SDHA: variants seen among roughly 807,000 people sequenced by gnomAD.
SDHA encodes the protein succinate dehydrogenase [ubiquinone] flavoprotein subunit, mitochondrial.
A neutral mutation model predicts 78.4 loss-of-function variants in SDHA; 48 were observed. The ratio of observed to expected loss-of-function variants is 0.61; its 90% confidence interval spans 0.49 to 0.78. The LOEUF is 0.78. Among genes scored for constraint, SDHA ranks in the 30% least tolerant of loss-of-function variants. The pLI, the probability that SDHA is intolerant of heterozygous loss-of-function variation, is 0.00. For missense variants in SDHA, 680 were observed against 892.7 expected (o/e 0.76, Z 3.04); for synonymous variants, 326 against 353.9 (o/e 0.92, Z 0.88).
chr5:241,346 G>A (rs10050916), intron 11 of SDHA, among the ~76,000 whole-genome samples: 36,297 of 151,724 alleles, frequency 0.24, 6,723 homozygotes, highest in African/African-American at 0.52. Context: ...TCTCAGGCCC[G>A]GATATCGATC....
chr5:268,203 A>T, the SDHA span, among the ~76,000 whole-genome samples: 107 of 142,206 alleles, frequency 7.5e-4, no homozygotes, highest in Non-Finnish European at 1.3e-3. Flanking sequence ...TTTTTTTTTG[A>T]GACGGAGTCT....
At chr5:258,677 A>C (rs1160250516), downstream of SDHA, among the ~76,000 whole-genome samples, 5 of 103,314 alleles carry the variant, frequency 4.8e-5, no homozygotes, top group African/African-American at 1.9e-4. Flanking sequence ...GCCTCCTGTC[A>C]CAGCATTACC....
chr5:235,473 T>C, intron 9 of SDHA, 134 bp downstream of exon 9: 1 of 907,058 alleles, frequency 1.1e-6, no homozygotes, highest in East Asian at 2.6e-5. Flanking sequence ...GTTTTCTAGA[T>C]TGCACTTTAA....
chr5:236,190 A>G, intron 9 of SDHA: 1 of 531,094 alleles, frequency 1.9e-6, no homozygotes, highest in Non-Finnish European at 3.4e-6. Context: ...ATGCCCCGCT[A>G]ATTTTTGTAT....
chr5:245,535 C>G (rs886221222), intron 11 of SDHA, among the ~76,000 whole-genome samples: 1 of 152,188 alleles, frequency 6.6e-6, no homozygotes. Flanking sequence ...CACAGTGTTA[C>G]ATTATTCATT....
intron 7 of SDHA, among the ~76,000 whole-genome samples, chr5:231,381 G>A (rs1735386230): frequency 6.6e-6 from 1 of 151,902 alleles, no homozygotes; most frequent in Non-Finnish European, 1.5e-5. Context: ...CCAACATGGT[G>A]ACACCTCGTC....
the SDHA span, among the ~76,000 whole-genome samples, chr5:267,713 T>C: frequency 6.6e-6 from 1 of 152,240 alleles, no homozygotes. Context: ...TGAACCTTAA[T>C]GCAGGGAGGA....
rs867651708 is a variant in SDHA, at chr5:256,687, C to A, written c.*267C>A. On this transcript the variant is annotated 3_prime_UTR_variant, in exon 15 of 15. Transcript: ENST00000264932. ...AATAAAATATAAATGAACAAACTTTCTTTTATTTCCAAATCCATTTGAAAT... is the reference window on the plus strand; with the variant it reads ...AATAAAATATAAATGAACAAACTTTATTTTATTTCCAAATCCATTTGAAAT... 1.3e-5 allele frequency: 6 copies of A among 453,218 alleles called. No individual in the cohort carries two copies. Among genetic ancestry groups the A allele is most frequent in the Middle Eastern group, 5.7e-4 (1 of 1,768 alleles). 28.1% of individuals were successfully genotyped at this position (453,218 alleles called of 1,614,324 possible).
downstream of SDHA, among the ~76,000 whole-genome samples, chr5:258,890 C>CCCCGCCAGAGCA (rs1737380753): frequency 2.1e-5 from 1 of 48,688 alleles, no homozygotes; most frequent in Non-Finnish European, 4.2e-5. Flanking sequence ...GAGCTCCGCC[C>CCCCGCCAGAGCA]TCCGCCAGAG....
the SDHA span, among the ~76,000 whole-genome samples, chr5:264,718 G>A: frequency 9.8e-4 from 150 of 152,324 alleles, no homozygotes; most frequent in Non-Finnish European, 5.9e-4. Flanking sequence ...ATTACTTCGT[G>A]TGTCATCAGA....
Position 218,418 on chromosome 5 carries a change from G to T in SDHA, c.63G>T (p.Ala21=), listed in dbSNP as rs587781942. ...CTCGGCGCCTGGCGCTGGCCAAGGC[G>T]GTGAGTCCGTGCCGCGGACCGGGGC... ...LSARRLALAK[A]WPTVLQTGTR... is the part of the protein sequence containing the mutation. The change falls in exon 1 of 15, where the codon GCG becomes GCT. Residue 21 remains alanine, a splice_region_variant and synonymous_variant. Coordinates refer to ENST00000264932, the MANE Select transcript of SDHA (RefSeq NM_004168.4). The T allele has an allele frequency of 9.8e-6, 14 of 1,432,964 alleles. No individual in the cohort carries two copies. The highest frequency in any genetic ancestry group is 2.9e-5 in the Admixed American group (1 of 34,798). The allele number at this position is 1,432,964 out of a possible 1,614,324, so 88.8% of individuals were successfully genotyped here.
intron 11 of SDHA, among the ~76,000 whole-genome samples, chr5:241,214 G>A (rs1298519430): frequency 6.6e-6 from 1 of 152,162 alleles, no homozygotes; most frequent in Non-Finnish European, 1.5e-5. Context: ...ATTGCTGGCT[G>A]TCATGGATGA....
chr5:267,653 G>A, the SDHA span, among the ~76,000 whole-genome samples: 1 of 152,214 alleles, frequency 6.6e-6, no homozygotes, highest in South Asian at 2.1e-4. Context: ...TTAGCTGAGA[G>A]AAACGAGACC....
the SDHA span, among the ~76,000 whole-genome samples, chr5:268,710 G>C: frequency 6.6e-6 from 1 of 152,032 alleles, no homozygotes; most frequent in African/African-American, 2.4e-5. Context: ...ATATTATAAG[G>C]GTGGATTATA....
At chr5:248,123 G>A (rs1736583146) in intron 11 of SDHA, among the ~76,000 whole-genome samples, 1 of 152,242 alleles carries the variant, frequency 6.6e-6, no homozygotes, top group African/African-American at 2.4e-5. Context: ...AAAAAGTTGG[G>A]AAATAGGTAA....
chr5:221,550 T>C (rs1734718909), intron 1 of SDHA, among the ~76,000 whole-genome samples: 1 of 152,234 alleles, frequency 6.6e-6, no homozygotes, highest in Non-Finnish European at 1.5e-5. Context: ...TTCTTACTTT[T>C]CCCCTCCACC....
chr5:266,822 T>G, the SDHA span, among the ~76,000 whole-genome samples: 1 of 151,980 alleles, frequency 6.6e-6, no homozygotes, highest in Admixed American at 6.6e-5. Flanking sequence ...CGGTGGCCGC[T>G]GTCTGTAAGA....
At chr5:261,005 G>C (rs1292071834), downstream of SDHA, among the ~76,000 whole-genome samples, 2 of 12,926 alleles carry the variant, frequency 1.5e-4, no homozygotes, top group African/African-American at 5.1e-4. Context: ...TCCGCCTCCC[G>C]TCAGAGCATT....
At chr5:255,435 TTTCCGGG>T (rs1737121687) in intron 14 of SDHA, among the ~76,000 whole-genome samples, 1 of 151,200 alleles carries the variant, frequency 6.6e-6, no homozygotes, top group African/African-American at 2.4e-5. Flanking sequence ...ATTTTTAATG[TTTCCGGG>T]TTCGGGTTTT....
Sources: allele counts gnomAD v4.1 joint callset (sites outside exome capture counted in the v4.1 genomes callset), GRCh38; gene constraint gnomAD v4.1.1; transcripts MANE v1.5; gene names NCBI Gene and HGNC (gene_info 2026-07-23, HGNC 2026-07-21).